Variants in LRP2 observed in about 807,000 individuals in gnomAD.
LRP2 encodes the protein LDL receptor related protein 2, also known as low-density lipoprotein receptor-related protein 2.
LRP2 carries 172 observed loss-of-function variants against 531.0 expected under a neutral mutation model. The observed-to-expected ratio is 0.32, with a 90% CI of 0.29 to 0.37. The LOEUF is 0.37. LRP2 is among the 10% of genes least tolerant of loss of function. The probability of loss-of-function intolerance (pLI) is 1.00; values close to 1 mark genes in which losing one functional copy is unlikely to be tolerated. For synonymous variants in LRP2, 1,992 were observed against 2,027.6 expected (o/e 0.98, Z 0.47); for missense variants, 5,167 against 5,868.3 (o/e 0.88, Z 3.90).
intron 16 of LRP2, among the ~76,000 whole-genome samples, chr2:169,260,708 A>G (rs921456781): frequency 1.3e-5 from 2 of 152,056 alleles, no homozygotes; most frequent in South Asian, 2.1e-4. Flanking sequence ...TAAATGCACT[A>G]TTATAAAAGT....
rs193256575 is a variant in LRP2, at chr2:169,235,855, C to G, written c.4905G>C (p.Val1635=). Residue 1635 remains valine (V), a synonymous_variant, in exon 29 of 79, where the codon GTG becomes GTC. Transcript: ENST00000649046. ...CDYNGHHRRQ[V]IASDLIIRHP... ...ACCAACTTACCAAATCACTGGCTAT[C>G]ACCTGTCTCCGATGGTGTCCATTAT... 6.2e-7 allele frequency: 1 copy of G among 1,614,000 alleles called. No individual in the cohort carries two copies. The highest frequency in any genetic ancestry group is 2.2e-5 in the East Asian group (1 of 44,888).
chr2:169,212,052 C>T lies in LRP2; in HGVS notation c.6196G>A (p.Val2066Ile). 6.2e-7 allele frequency: 1 copy of T among 1,613,958 alleles called. No homozygotes were observed. The highest frequency in any genetic ancestry group is 8.5e-7 in the Non-Finnish European group (1 of 1,179,922). The part of the protein sequence containing the change: ...RSCSPYNSFI[V>I]VSMLSAIRGF... ...CTGATTGCAGACAGCATTGAAACAA[C>T]AATGAAAGAGTTATATGGAGAGCAG... The change falls in exon 37 of 79, where the codon GTT (valine) becomes ATT (isoleucine). Residue 2066 changes from valine to isoleucine, a missense_variant. Coordinates refer to ENST00000649046, the MANE Select transcript of LRP2 (RefSeq NM_004525.3).
chr2:169,254,941 C>T (rs186852054), intron 19 of LRP2, among the ~76,000 whole-genome samples: 14 of 152,002 alleles, frequency 9.2e-5, no homozygotes, highest in Non-Finnish European at 8.8e-5. Context: ...ATTAACTCAT[C>T]AAAAATCTCA....
intron 4 of LRP2, among the ~76,000 whole-genome samples, chr2:169,304,018 G>A (rs576282109): frequency 3.0e-4 from 45 of 152,132 alleles, no homozygotes; most frequent in Non-Finnish European, 5.7e-4. Context: ...TTACATATTC[G>A]TATCCTGCCA....
intron 13 of LRP2, among the ~76,000 whole-genome samples, chr2:169,277,313 A>C (rs1683582748): frequency 6.6e-6 from 1 of 152,200 alleles, no homozygotes; most frequent in Non-Finnish European, 1.5e-5. Flanking sequence ...GAAATATATA[A>C]GAGCAGAGTA....
At chr2:169,276,383 T>G (rs1354015176) in intron 13 of LRP2, among the ~76,000 whole-genome samples, 2 of 152,216 alleles carry the variant, frequency 1.3e-5, no homozygotes, top group Non-Finnish European at 2.9e-5. Flanking sequence ...TTATCTTTTA[T>G]GCTTTACTTT....
intron 29 of LRP2, among the ~76,000 whole-genome samples, chr2:169,234,253 C>A (rs1258397031): frequency 2.0e-5 from 3 of 152,182 alleles, no homozygotes; most frequent in East Asian, 3.9e-4. Context: ...TAGGTTTTAA[C>A]CCTCACATGC....
chr2:169,207,391 A>G, intron 38 of LRP2, 141 bp from the exon 39 acceptor site: 1 of 671,114 alleles, frequency 1.5e-6, no homozygotes, highest in East Asian at 2.7e-5. Context: ...ATAGTGTCCC[A>G]GTCTAGGCTT....
chr2:169,188,337 T>C lies in LRP2; in HGVS notation c.9033-72A>G, dbSNP rs922377288. The C allele has an allele frequency of 2.0e-6, 3 of 1,480,830 alleles. No individual in the cohort carries two copies. The African/African-American group carries it at 4.2e-5, about 21-fold the overall frequency. 91.7% of individuals were successfully genotyped at this position (1,480,830 alleles called of 1,614,324 possible). ...CCTCAACTATTACCCACTTGGGGTT[T>C]TGCTTCCTTCTTTATCTACCTAAAT... On this transcript the variant is annotated intron_variant, in intron 48 of 78. Transcript: ENST00000649046.
intron 61 of LRP2, among the ~76,000 whole-genome samples, chr2:169,167,387 G>A (rs1415330250): frequency 2.0e-5 from 3 of 152,152 alleles, no homozygotes; most frequent in African/African-American, 7.2e-5. Context: ...GAAAGGGGAT[G>A]GAAGATGCAA....
At chr2:169,323,570 C>G (rs1226776554) in intron 1 of LRP2, among the ~76,000 whole-genome samples, 1 of 151,480 alleles carries the variant, frequency 6.6e-6, no homozygotes, top group South Asian at 2.1e-4. Context: ...CCTTTACTCA[C>G]AAGCCCTCCA....
chr2:169,179,394 C>T (rs951855157), intron 52 of LRP2, among the ~76,000 whole-genome samples: 2 of 152,130 alleles, frequency 1.3e-5, no homozygotes, highest in Non-Finnish European at 2.9e-5. Flanking sequence ...GTAGAGAGAT[C>T]TCAGATATCT....
At chr2:169,303,726 T>C (rs549278077) in intron 4 of LRP2, among the ~76,000 whole-genome samples, 2 of 152,094 alleles carry the variant, frequency 1.3e-5, no homozygotes, top group African/African-American at 4.8e-5. Flanking sequence ...TAGCTATAAA[T>C]AAACAAGGTA....
chr2:169,226,749 C>T (rs1048947818), intron 31 of LRP2, among the ~76,000 whole-genome samples, 161 bp from the exon 32 acceptor site: 1 of 152,192 alleles, frequency 6.6e-6, no homozygotes, highest in Non-Finnish European at 1.5e-5. Context: ...ATGGGCCTTT[C>T]CCAGGGTTTC....
intron 2 of LRP2, 42 bp downstream of exon 2, chr2:169,320,735 G>C (rs1276417676): frequency 2.7e-6 from 4 of 1,483,976 alleles, no homozygotes; most frequent in Non-Finnish European, 3.8e-6. Flanking sequence ...GAAGCACTTA[G>C]GTTACTCAAA....
At chr2:169,215,959 G>A (rs939411647) in intron 35 of LRP2, among the ~76,000 whole-genome samples, 3 of 151,682 alleles carry the variant, frequency 2.0e-5, no homozygotes, top group African/African-American at 7.3e-5. Context: ...GCTCTGAAAT[G>A]ACAAGTAAGA....
rs1275915682 is a variant in LRP2 at position 169,240,732 on chromosome 2, A to C, written c.4045+256T>G. The C allele has an allele frequency of 6.8e-6, 4 of 585,448 alleles. No individual in the cohort carries two copies. The African/African-American group carries it at 7.4e-5, about 11-fold the overall frequency. The allele number at this position is 585,448 out of a possible 1,614,324, so 36.3% of individuals were successfully genotyped here. ...TTAATTTGACAATCTAATGGCCTCA[A>C]TTTAGTCTCATTTTTTGAAACAAAG... On this transcript the variant is annotated intron_variant, in intron 25 of 78. Transcript: ENST00000649046.
chr2:169,174,358 A>G (rs558167940), intron 55 of LRP2, among the ~76,000 whole-genome samples, 194 bp from the exon 56 acceptor site: 1 of 152,352 alleles, frequency 6.6e-6, no homozygotes, highest in East Asian at 1.9e-4. Flanking sequence ...ATTCTTAAAT[A>G]TCTCTTTATT....
chr2:169,175,932 C>T (rs2105285366), intron 54 of LRP2, among the ~76,000 whole-genome samples: 1 of 152,254 alleles, frequency 6.6e-6, no homozygotes, highest in South Asian at 2.1e-4. Flanking sequence ...TATCAATGGG[C>T]CTGTGGACAT....
Sources: gnomAD v4.1 joint callset for allele counts (sites outside exome capture counted in the v4.1 genomes callset) on GRCh38, gnomAD v4.1.1 for gene constraint, MANE v1.5 for transcripts, NCBI Gene and HGNC (gene_info 2026-07-23, HGNC 2026-07-21) for gene names.